ATAD2: variants seen among roughly 807,000 people sequenced by gnomAD.
The protein encoded by ATAD2 is ATPase family AAA domain-containing protein 2.
Under a neutral mutation model 168.9 loss-of-function variants are expected in ATAD2, and 62 were observed. The observed-to-expected ratio is 0.37, with a 90% confidence interval of 0.30 to 0.45. The LOEUF (loss-of-function observed/expected upper bound fraction) is 0.45. Ranked by LOEUF, ATAD2 falls within the 20% of genes least tolerant of loss-of-function variation. The pLI, the probability that ATAD2 is intolerant of heterozygous loss-of-function variation, is 1.00. For synonymous variants in ATAD2, 613 were observed against 571.6 expected (o/e 1.07, Z -1.03); for missense variants, 1,419 against 1,667.8 (o/e 0.85, Z 2.60).
chr8:123,401,633 C>T (rs577339534), intron 1 of ATAD2: 43 of 944,102 alleles, frequency 4.6e-5, no homozygotes, highest in South Asian at 2.9e-4. Context: ...TGAGTATGCC[C>T]GGCACTTTGG....
At position 123,323,036 on chromosome 8, in the gene ATAD2, G is replaced by T; in HGVS notation, c.4033C>A (p.Gln1345Lys). 1.2e-6 allele frequency: 2 copies of T among 1,611,530 alleles called. No homozygotes were observed. Among genetic ancestry groups the T allele is most frequent in the South Asian group, 1.1e-5 (1 of 90,772 alleles). ...TCCAACTGAAATATGTTGTAGTTTTGACTTTTTTTAACAACAGTCTTCAAA... is the reference window on the plus strand; with the variant it reads ...TCCAACTGAAATATGTTGTAGTTTTTACTTTTTTTAACAACAGTCTTCAAA... ...NLLKTVVKKS[Q>K]NYNIFQLENL... Residue 1345 changes from glutamine (Q) to lysine (K), a missense_variant, in exon 27 of 28, where the codon CAA becomes AAA. By Grantham distance (53) the Gln-to-Lys change is moderately conservative. Coordinates refer to ENST00000287394, the MANE Select transcript of ATAD2 (RefSeq NM_014109.4).
At position 123,339,400 on chromosome 8, in the gene ATAD2, T is replaced by G. The variant is rs770088993; in HGVS notation, c.2765A>C (p.Gln922Pro). The G allele has an allele frequency of 6.3e-7, 1 of 1,599,860 alleles. No homozygotes were observed. The highest frequency in any genetic ancestry group is 1.1e-5 in the South Asian group (1 of 88,780). The change falls in exon 20 of 28, where the codon CAG (glutamine) becomes CCG (proline). Residue 922 changes from glutamine to proline, a missense_variant. This residue lies in a region of ATAD2 where 545 missense variants were observed against 724.9 expected (regional missense o/e 0.75). Coordinates refer to ENST00000287394, the MANE Select transcript of ATAD2 (RefSeq NM_014109.4). ...IRDYGEIFNV[Q>P]LPDKEERTKF... ...TGTCCGTTCTTCTTTATCCGGTAAC[T>G]GGACATTAAAAATCTCTCCATAATC...
upstream of ATAD2, among the ~76,000 whole-genome samples, chr8:123,400,362 G>T (rs1812979177): frequency 6.6e-6 from 1 of 151,952 alleles, no homozygotes; most frequent in Non-Finnish European, 1.5e-5. The surrounding 1 kb of genome is among the most constrained non-coding windows in gnomAD (Gnocchi z 4.5). Flanking sequence ...GAATTCCCCA[G>T]GGAGCTTATT....
chr8:123,392,619 T>TAA (rs551339872), intron 1 of ATAD2, among the ~76,000 whole-genome samples: 571 of 136,240 alleles, frequency 4.2e-3, no homozygotes, highest in Middle Eastern at 7.6e-3. Flanking sequence ...TAAAATAATG[T>TAA]AAAAAAAAAA....
chr8:123,344,339 A>G (rs1459107587), intron 19 of ATAD2, among the ~76,000 whole-genome samples: 3 of 151,182 alleles, frequency 2.0e-5, no homozygotes. Context: ...CCCATTTTTT[A>G]AATACTTTTT....
intron 1 of ATAD2, among the ~76,000 whole-genome samples, chr8:123,412,428 A>C (rs1813173192): frequency 6.6e-6 from 1 of 151,982 alleles, no homozygotes; most frequent in Non-Finnish European, 1.5e-5. Context: ...AGTTTTTTTA[A>C]GTTATTTTAT....
At chr8:123,338,483 A>G (rs140333559) in intron 20 of ATAD2, among the ~76,000 whole-genome samples, 1 of 152,324 alleles carries the variant, frequency 6.6e-6, no homozygotes, top group East Asian at 1.9e-4. Context: ...AATGTGTAAT[A>G]TGTTTCAAAT....
intron 1 of ATAD2, among the ~76,000 whole-genome samples, chr8:123,388,174 A>G (rs967778724): frequency 3.9e-5 from 6 of 152,238 alleles, no homozygotes; most frequent in African/African-American, 1.4e-4. Context: ...ACCTCACTGA[A>G]TTCTACAGAA....
intron 19 of ATAD2, among the ~76,000 whole-genome samples, chr8:123,340,628 C>T (rs1828034704): frequency 1.3e-5 from 2 of 152,088 alleles, no homozygotes; most frequent in South Asian, 4.1e-4. Flanking sequence ...AAAGTATTCA[C>T]CCTAAAAAGG....
chr8:123,371,067 GT>G (rs2129753478), intron 5 of ATAD2, 77 bp from the exon 6 acceptor site: 1 of 1,227,236 alleles, frequency 8.1e-7, no homozygotes, highest in South Asian at 1.6e-5. Context: ...CTCCAATCTT[GT>G]TTAAAATTAA....
In ATAD2 at chr8:123,320,916, G is replaced by A; in HGVS notation, c.*218C>T. The A allele has an allele frequency of 4.1e-6, 2 of 493,682 alleles. No individual in the cohort carries two copies. The highest frequency in any genetic ancestry group is 6.3e-5 in the South Asian group (2 of 31,596). The allele number at this position is 493,682 out of a possible 1,614,324, so 30.6% of individuals were successfully genotyped here. On this transcript the variant is annotated 3_prime_UTR_variant, in exon 28 of 28. Transcript: ENST00000287394. ...CAACTATTATTACTATTACTACAGG[G>A]TCTTGTTCTAGCAAAGTTCCAATAT... is the stretch of plus-strand genomic sequence containing the variant.
intron 1 of ATAD2, among the ~76,000 whole-genome samples, chr8:123,414,159 T>A (rs1379444348): frequency 1.4e-5 from 2 of 146,222 alleles, no homozygotes; most frequent in Non-Finnish European, 3.0e-5. Flanking sequence ...CAGATTTTTT[T>A]AACAAAAAAT....
intron 1 of ATAD2, among the ~76,000 whole-genome samples, chr8:123,409,921 AGAGTGAG>A (rs1813127675): frequency 7.0e-6 from 1 of 142,712 alleles, no homozygotes; most frequent in Non-Finnish European, 1.5e-5. Flanking sequence ...GGGTGTGACA[AGAGTGAG>A]ACTCCATCTC....
chr8:123,362,994 A>T (rs1225222093), intron 8 of ATAD2, among the ~76,000 whole-genome samples: 1 of 152,238 alleles, frequency 6.6e-6, no homozygotes, highest in African/African-American at 2.4e-5. Context: ...TTACAAATAT[A>T]CAAGAAAATT....
In ATAD2 at chr8:123,336,361, A is replaced by T; in HGVS notation, c.3211+12T>A. 6.4e-7 allele frequency: 1 copy of T among 1,562,554 alleles called. No homozygotes were observed. The highest frequency in any genetic ancestry group is 8.6e-7 in the Non-Finnish European group (1 of 1,162,548). ...AACTCAACCCCCTGAAAAAAAATTC[A>T]CTAATGCTCACCTCCAGGATCTCTA... On this transcript the variant is annotated intron_variant, in intron 22 of 27. Coordinates refer to ENST00000287394, the MANE Select transcript of ATAD2 (RefSeq NM_014109.4).
chr8:123,325,812 C>G (rs1827599087), intron 26 of ATAD2, 81 bp downstream of exon 26: 2 of 1,523,970 alleles, frequency 1.3e-6, no homozygotes, highest in Non-Finnish European at 1.8e-6. Context: ...TCCCATGTAG[C>G]CAGAATGCTA....
chr8:123,392,913 G>A (rs755321646), intron 1 of ATAD2, among the ~76,000 whole-genome samples: 2 of 152,090 alleles, frequency 1.3e-5, no homozygotes, highest in Non-Finnish European at 2.9e-5. Flanking sequence ...TGCTGGGCGC[G>A]GTGGCTCACG....
intron 6 of ATAD2, among the ~76,000 whole-genome samples, chr8:123,370,526 A>C (rs1829120945): frequency 6.6e-6 from 1 of 152,144 alleles, no homozygotes; most frequent in African/African-American, 2.4e-5. Flanking sequence ...CAAACATTTA[A>C]AATGCATTTC....
In ATAD2 at chr8:123,372,444, G is replaced by A. The variant is rs572686241; in HGVS notation, c.370+193C>T. Among the ~76,000 whole-genome samples, 22 of 152,194 alleles carry A rather than the reference G, an allele frequency of 1.4e-4. No individual in the cohort carries two copies. The East Asian group carries it at 2.5e-3, about 17-fold the overall frequency. ...GCCAGGAGGAATTATAAAACGGCCC[G>A]GGGAAGTTTTTGGGGGTAATAATTA... is the stretch of plus-strand genomic sequence containing the variant. On this transcript the variant is annotated intron_variant, in intron 3 of 27. Coordinates refer to ENST00000287394, the MANE Select transcript of ATAD2 (RefSeq NM_014109.4).
Sources: allele counts gnomAD v4.1 joint callset (sites outside exome capture counted in the v4.1 genomes callset), GRCh38; gene constraint gnomAD v4.1.1; regional missense constraint gnomAD v4.1.1; non-coding constraint Gnocchi (gnomAD v3.1); transcripts MANE v1.5; gene names NCBI Gene and HGNC (gene_info 2026-07-23, HGNC 2026-07-21).